The following ANKRD44 variants were observed in gnomAD, a reference collection of about 807,000 sequenced individuals.
ANKRD44 encodes ankyrin repeat domain 44.
A neutral mutation model predicts 116.0 loss-of-function variants in ANKRD44; 35 were observed. The ratio of observed to expected loss-of-function variants is 0.30; its 90% confidence interval spans 0.23 to 0.40. The LOEUF is 0.40. Among genes scored for constraint, ANKRD44 ranks in the 10% least tolerant of loss-of-function variants. The pLI, the probability that ANKRD44 is intolerant of heterozygous loss-of-function variation, is 1.00. For missense variants in ANKRD44, 1,014 were observed against 1,242.6 expected (o/e 0.82, Z 2.77); for synonymous variants, 435 against 461.8 (o/e 0.94, Z 0.74).
At chr2:197,131,549 A>G (rs1034746944) in intron 4 of ANKRD44, among the ~76,000 whole-genome samples, 3 of 151,992 alleles carry the variant, frequency 2.0e-5, no homozygotes, top group Non-Finnish European at 4.4e-5. Context: ...CAGTGTCCTC[A>G]CTCCTACACT....
At chr2:197,169,067 C>A (rs892685102) in intron 2 of ANKRD44, among the ~76,000 whole-genome samples, 2 of 152,288 alleles carry the variant, frequency 1.3e-5, no homozygotes, top group African/African-American at 4.8e-5. Flanking sequence ...TTTCTTGTCT[C>A]CTCTCCAACT....
At chr2:197,248,121 G>A (rs1385118417) in intron 1 of ANKRD44, among the ~76,000 whole-genome samples, 2 of 152,216 alleles carry the variant, frequency 1.3e-5, no homozygotes, top group East Asian at 1.9e-4. Context: ...TACTGCTGCT[G>A]CAGGGACAGA....
chr2:196,970,852 C>A (rs1283867470), intron 21 of ANKRD44, among the ~76,000 whole-genome samples: 1 of 152,114 alleles, frequency 6.6e-6, no homozygotes, highest in African/African-American at 2.4e-5. Flanking sequence ...CAGGCATATG[C>A]CACCACACCT....
Position 197,248,574 on chromosome 2 carries a change from G to GTA in ANKRD44, c.28-61469_28-61468insTA, listed in dbSNP as rs1237255982. ...TGTATATGTGTGTGTGTGTGTGTGTGTGTGTATATATATATATAAAGAGAG... is the reference window on the plus strand; with the variant it reads ...TGTATATGTGTGTGTGTGTGTGTGTGTATGTGTATATATATATATAAAGAGAG... On this transcript the variant is annotated intron_variant, in intron 1 of 27. Coordinates refer to ENST00000282272, the MANE Select transcript of ANKRD44 (RefSeq NM_001195144.2). 3.5e-4 allele frequency among the ~76,000 whole-genome samples: 42 copies of GTA among 118,786 alleles called. 1 individual carries two copies. The highest frequency in any genetic ancestry group is 9.7e-4 in the African/African-American group (34 of 34,902). 77.9% of individuals were successfully genotyped at this position (118,786 alleles called of 152,430 possible).
chr2:197,110,192 G>A (rs2078532599), intron 9 of ANKRD44, among the ~76,000 whole-genome samples: 1 of 152,062 alleles, frequency 6.6e-6, no homozygotes, highest in Non-Finnish European at 1.5e-5. Context: ...GGCCAGGCTG[G>A]TCTCGAACTC....
At chr2:197,068,395 A>T (rs200134148) in intron 16 of ANKRD44, among the ~76,000 whole-genome samples, 1 of 27,946 alleles carries the variant, frequency 3.6e-5, no homozygotes, top group Non-Finnish European at 9.5e-5. Flanking sequence ...AATAAAAAAA[A>T]AATAAAAATA....
intron 9 of ANKRD44, among the ~76,000 whole-genome samples, chr2:197,104,365 C>A (rs1002524158): frequency 6.6e-6 from 1 of 152,188 alleles, no homozygotes; most frequent in Non-Finnish European, 1.5e-5. Context: ...AAGTGATCTA[C>A]TTGTCTCGGC....
Position 197,287,424 on chromosome 2 carries a change from C to A in ANKRD44, c.27+23154G>T, listed in dbSNP as rs761245966. Among the ~76,000 whole-genome samples the A allele has an allele frequency of 2.0e-5, 3 of 152,172 alleles. No homozygotes were observed. In the East Asian group the frequency reaches 5.8e-4, roughly 29 times the overall value. On this transcript the variant is annotated intron_variant, in intron 1 of 27. Transcript: ENST00000282272. ...CTGCACTGTAGGAGCTGCCTTGTGA[C>A]GTCACAGAATACTTGGCAGAGAGGA...
At chr2:197,039,873 T>C (rs1472128233) in intron 16 of ANKRD44, among the ~76,000 whole-genome samples, 1 of 152,094 alleles carries the variant, frequency 6.6e-6, no homozygotes, top group African/African-American at 2.4e-5. Context: ...AGATAAATGA[T>C]CCTAAACTTG....
intron 1 of ANKRD44, chr2:197,299,598 A>T (rs1272952391): frequency 1.3e-5 from 2 of 152,218 alleles, no homozygotes; most frequent in East Asian, 3.8e-4. Context: ...AACAAACATC[A>T]TATGTTCTCA....
At chr2:197,129,467 G>A (rs925563730) in intron 4 of ANKRD44, among the ~76,000 whole-genome samples, 2 of 152,120 alleles carry the variant, frequency 1.3e-5, no homozygotes, top group African/African-American at 4.8e-5. Context: ...GAACACCTGT[G>A]AGGATTCTGG....
chr2:197,310,517 C>G, intron 1 of ANKRD44, 61 bp downstream of exon 1: 2 of 1,003,358 alleles, frequency 2.0e-6, no homozygotes, highest in Non-Finnish European at 2.4e-6. Context: ...CCCATCCCCC[C>G]GCCGGGCTCC....
chr2:197,284,760 C>A (rs925698937), intron 1 of ANKRD44, among the ~76,000 whole-genome samples: 1 of 151,788 alleles, frequency 6.6e-6, no homozygotes, highest in East Asian at 1.9e-4. Context: ...GTGGTGTGCA[C>A]CTGTAATCCT....
chr2:196,972,257 A>G (rs1244310642), intron 21 of ANKRD44, among the ~76,000 whole-genome samples: 1 of 152,048 alleles, frequency 6.6e-6, no homozygotes, highest in Non-Finnish European at 1.5e-5. Flanking sequence ...AGGCTGGAGT[A>G]TGGTAGTGCA....
intron 2 of ANKRD44, among the ~76,000 whole-genome samples, chr2:197,153,454 A>G (rs1488561097): frequency 6.6e-6 from 1 of 152,116 alleles, no homozygotes; most frequent in Non-Finnish European, 1.5e-5. Flanking sequence ...GAACACATAC[A>G]CACAACAGGT....
chr2:197,181,444 T>A (rs946732383), intron 2 of ANKRD44, among the ~76,000 whole-genome samples: 1 of 152,256 alleles, frequency 6.6e-6, no homozygotes, highest in Non-Finnish European at 1.5e-5. Context: ...TTTGCTATCA[T>A]GTGAGACTCA....
intron 22 of ANKRD44, 30 bp from the exon 23 acceptor site, chr2:197,000,532 A>G: frequency 2.6e-6 from 4 of 1,554,750 alleles, no homozygotes; most frequent in Non-Finnish European, 3.6e-6. Context: ...TAATGTAACA[A>G]TCTCACTCTT....
intron 10 of ANKRD44, among the ~76,000 whole-genome samples, chr2:197,090,960 T>G (rs1475694343): frequency 6.6e-6 from 1 of 152,204 alleles, no homozygotes; most frequent in East Asian, 1.9e-4. Flanking sequence ...TCCCCTGTGT[T>G]TACCATCCTT....
At position 197,039,954 on chromosome 2, in the gene ANKRD44, C is replaced by T. The variant is rs144398150; in HGVS notation, c.1651-14687G>A. Reference sequence around the variant, plus strand: ...ATTTAACAGGCCCACCCAGGCCAGGCGCAGTGGCTCATGCCTATAATCCCA... The same window carrying T: ...ATTTAACAGGCCCACCCAGGCCAGGTGCAGTGGCTCATGCCTATAATCCCA... On this transcript the variant is annotated intron_variant, in intron 16 of 27. Transcript: ENST00000282272. Among the ~76,000 whole-genome samples the T allele has an allele frequency of 6.0e-4, 91 of 150,542 alleles. 1 individual carries two copies. The South Asian group carries it at 6.8e-3, about 11-fold the overall frequency.
Sources: gnomAD v4.1 joint callset for allele counts (sites outside exome capture counted in the v4.1 genomes callset) on GRCh38, gnomAD v4.1.1 for gene constraint, MANE v1.5 for transcripts, NCBI Gene and HGNC (gene_info 2026-07-23, HGNC 2026-07-21) for gene names.